ITGB1: variants seen among roughly 807,000 people sequenced by gnomAD.
The protein encoded by ITGB1 is integrin subunit beta 1.
ITGB1 carries 24 observed loss-of-function variants against 86.5 expected under a neutral mutation model. The ratio of observed to expected loss-of-function variants is 0.28; its 90% confidence interval spans 0.20 to 0.39. The LOEUF (loss-of-function observed/expected upper bound fraction) is 0.39. Ranked by LOEUF, ITGB1 falls within the 10% of genes least tolerant of loss-of-function variation. ITGB1 has a pLI of 1.00. For missense variants in ITGB1, 556 were observed against 946.9 expected, an observed-to-expected ratio of 0.59 and a Z score of 5.42; for synonymous variants, 323 against 316.8, an observed-to-expected ratio of 1.02 and a Z score of -0.21.
chr10:32,906,033 T>C (rs953641729), intron 15 of ITGB1, among the ~76,000 whole-genome samples: 11 of 152,060 alleles, frequency 7.2e-5, no homozygotes, highest in Non-Finnish European at 1.2e-4. Context: ...ATTTGAAAAT[T>C]AGAATCATTC....
In ITGB1 at chr10:32,906,666, G is replaced by A. The variant is rs2094897295; in HGVS notation, c.2331+1702C>T. On this transcript the variant is annotated intron_variant, in intron 15 of 15. Transcript: ENST00000302278. ...ATTCTAGGCACAGGACTGTTATGAG[G>A]ATTAGAGCTGACAGGCTGATTTCAT... is the stretch of plus-strand genomic sequence containing the variant. The A allele has an allele frequency of 1.4e-5, 3 of 219,972 alleles. No individual in the cohort carries two copies. The South Asian group carries it at 1.8e-4, about 13-fold the overall frequency. 13.6% of individuals were successfully genotyped at this position (219,972 alleles called of 1,614,324 possible).
intron 1 of ITGB1, among the ~76,000 whole-genome samples, chr10:32,956,594 G>A (rs2095052768): frequency 3.3e-5 from 5 of 152,074 alleles, no homozygotes; most frequent in Admixed American, 3.3e-4. Flanking sequence ...TGTAGTCCCA[G>A]CTACTCAAGA....
chr10:32,906,783 C>A (rs919247258), intron 15 of ITGB1, among the ~76,000 whole-genome samples: 1 of 152,156 alleles, frequency 6.6e-6, no homozygotes, highest in Non-Finnish European at 1.5e-5. Context: ...TGACTCAATG[C>A]TGTTCTACTT....
intron 15 of ITGB1, among the ~76,000 whole-genome samples, chr10:32,904,243 C>T (rs954047227): frequency 6.6e-6 from 1 of 152,042 alleles, no homozygotes; most frequent in Admixed American, 6.6e-5. Context: ...TAAAATAATT[C>T]AAATTAGTTT....
At chr10:32,911,843 A>G (rs2094914423) in intron 12 of ITGB1, 43 bp downstream of exon 12, 1 of 1,536,026 alleles carries the variant, frequency 6.5e-7, no homozygotes, top group African/African-American at 1.4e-5. Flanking sequence ...TCGTGGCATT[A>G]GATGGGATCA....
At chr10:32,913,234 A>T (rs2094919374) in intron 11 of ITGB1, among the ~76,000 whole-genome samples, 3 of 152,204 alleles carry the variant, frequency 2.0e-5, no homozygotes, top group Admixed American at 2.0e-4. Flanking sequence ...AAAAGCTGAA[A>T]ATTCTAAAAT....
chr10:32,928,174 T>C lies in ITGB1; in HGVS notation c.467A>G (p.Lys156Arg). ...YYLMDLSYSMKDDLENVKSLG... is the reference protein window; with the variant it reads ...YYLMDLSYSMRDDLENVKSLG... Reference sequence around the variant, plus strand: ...ACTTTTTACATTCTCCAAATCGTCTTTCATTGAGTAAGACAGGTCCATAAG... The same window carrying C: ...ACTTTTTACATTCTCCAAATCGTCTCTCATTGAGTAAGACAGGTCCATAAG... Residue 156 changes from lysine (K) to arginine (R), a missense_variant, in exon 5 of 16, where the codon AAA becomes AGA. Around this residue, in one of 4 missense-constraint regions of ITGB1, gnomAD observed 183 missense variants for 263.9 expected, o/e 0.69. Coordinates refer to ENST00000302278, the MANE Select transcript of ITGB1 (RefSeq NM_002211.4). The C allele has an allele frequency of 1.4e-6, 2 of 1,455,458 alleles. No individual in the cohort carries two copies. The highest frequency in any genetic ancestry group is 1.9e-6 in the Non-Finnish European group (2 of 1,034,928). The allele number at this position is 1,455,458 out of a possible 1,614,324, so 90.2% of individuals were successfully genotyped here.
intron 11 of ITGB1, 36 bp from the exon 12 acceptor site, chr10:32,912,160 CA>C: frequency 6.4e-7 from 1 of 1,565,332 alleles, no homozygotes; most frequent in Non-Finnish European, 8.7e-7. Context: ...TCACACAAAA[CA>C]AAAATAATTT....
chr10:32,956,315 T>C (rs1253334005), intron 1 of ITGB1, among the ~76,000 whole-genome samples: 1 of 151,890 alleles, frequency 6.6e-6, no homozygotes, highest in East Asian at 1.9e-4. Flanking sequence ...GTATAACCTA[T>C]CGTAAAGGAC....
At chr10:32,913,616 A>C (rs2094921189) in intron 11 of ITGB1, among the ~76,000 whole-genome samples, 1 of 152,248 alleles carries the variant, frequency 6.6e-6, no homozygotes, top group Admixed American at 6.5e-5. Context: ...TTTAGAGAAA[A>C]AAAAGAGTAA....
intron 11 of ITGB1, among the ~76,000 whole-genome samples, chr10:32,913,636 A>AT (rs2094921298): frequency 6.6e-6 from 1 of 152,248 alleles, no homozygotes; most frequent in Non-Finnish European, 1.5e-5. Flanking sequence ...AAAAGAAACG[A>AT]ACAAAGCCTC....
chr10:32,932,825 T>G, intron 2 of ITGB1: 1 of 386,458 alleles, frequency 2.6e-6, no homozygotes, highest in Non-Finnish European at 4.8e-6. Context: ...ATGAGATATT[T>G]TGATACAGGC....
chr10:32,924,894 T>G (rs2094960311), intron 6 of ITGB1, among the ~76,000 whole-genome samples: 1 of 152,228 alleles, frequency 6.6e-6, no homozygotes, highest in East Asian at 1.9e-4. Context: ...AAGAGCCCTA[T>G]GAGGTAGATA....
Position 32,911,947 on chromosome 10 carries a change from A to G in ITGB1, c.1647T>C (p.Ser549=). 6.2e-7 allele frequency: 1 copy of G among 1,614,144 alleles called. No individual in the cohort carries two copies. The highest frequency in any genetic ancestry group is 1.1e-5 in the South Asian group (1 of 91,080). ...RKRDNTNEIY[S]GKFCECDNFN... ...AATTATCACACTCGCAGAATTTGCC[A>G]GAATAAATTTCATTTGTATTATCCC... The change falls in exon 12 of 16, where the codon TCT becomes TCC. Residue 549 remains serine (S), a synonymous_variant. Coordinates refer to ENST00000302278, the MANE Select transcript of ITGB1 (RefSeq NM_002211.4).
chr10:32,922,329 G>C lies in ITGB1; in HGVS notation c.1056C>G (p.Ile352Met). Residue 352 changes from isoleucine to methionine, a missense_variant, in exon 9 of 16, where the codon ATC becomes ATG. By Grantham distance (10) the Ile-to-Met change is conservative. Transcript: ENST00000302278. ...QPVYKELKNLIPKSAVGTLSA... is the reference protein window; with the variant it reads ...QPVYKELKNLMPKSAVGTLSA... ...ATAATGTTCCTACTGCTGACTTAGG[G>C]ATCAAGTTTTTCAGCTCCTGCAATT... 1.2e-6 allele frequency: 2 copies of C among 1,608,246 alleles called. No homozygotes were observed. The highest frequency in any genetic ancestry group is 2.2e-5 in the East Asian group (1 of 44,604).
At chr10:32,923,372 G>C (rs1432549271) in intron 7 of ITGB1, among the ~76,000 whole-genome samples, 1 of 152,268 alleles carries the variant, frequency 6.6e-6, no homozygotes. Context: ...ACCCCAGTGA[G>C]GCCCTTGTCT....
chr10:32,935,798 C>T (rs2094999695), intron 1 of ITGB1: 1 of 388,694 alleles, frequency 2.6e-6, no homozygotes, highest in East Asian at 4.0e-5. Flanking sequence ...TCCATTCGTG[C>T]CTTTCTCTAA....
chr10:32,935,601 A>G (rs953127514), intron 1 of ITGB1, 43 bp from the exon 2 acceptor site: 9 of 1,350,386 alleles, frequency 6.7e-6, no homozygotes, highest in Middle Eastern at 4.0e-4. Context: ...AAAGAAATAA[A>G]ATGAAAAATG....
At chr10:32,922,597 C>A (rs1254818870) in intron 8 of ITGB1, 43 bp downstream of exon 8, 11 of 1,273,012 alleles carry the variant, frequency 8.6e-6, no homozygotes, top group Admixed American at 3.8e-5. Context: ...CTCTAACAAT[C>A]AAAAATGTTT....
Sources: allele counts gnomAD v4.1 joint callset (sites outside exome capture counted in the v4.1 genomes callset), GRCh38; gene constraint gnomAD v4.1.1; regional missense constraint gnomAD v4.1.1; transcripts MANE v1.5; gene names NCBI Gene and HGNC (gene_info 2026-07-23, HGNC 2026-07-21).